LRRC37A2: variants seen among roughly 807,000 people sequenced by gnomAD.
LRRC37A2 encodes the protein leucine-rich repeat-containing protein 37A2.
LRRC37A2 carries 9 observed loss-of-function variants against 68.8 expected under a neutral mutation model. That is an observed-to-expected ratio of 0.13 (90% CI 0.08 to 0.23). LRRC37A2 has a LOEUF of 0.23. Ranked by LOEUF, LRRC37A2 falls within the 10% of genes least tolerant of loss-of-function variation. The pLI, the probability that LRRC37A2 is intolerant of heterozygous loss-of-function variation, is 1.00. For missense variants in LRRC37A2, 168 were observed against 950.4 expected (o/e 0.18, Z 10.82); for synonymous variants, 63 against 367.6 (o/e 0.17, Z 9.48).
chr17:46,824,052 G>A, the LRRC37A2 span, among the ~76,000 whole-genome samples: 27 of 152,136 alleles, frequency 1.8e-4, 1 homozygote, highest in East Asian at 9.7e-4. Flanking sequence ...CCCTTCAGGC[G>A]CCCAGGAGCC....
chr17:46,863,096 A>C, the LRRC37A2 span, among the ~76,000 whole-genome samples: 1 of 131,136 alleles, frequency 7.6e-6, no homozygotes, highest in Non-Finnish European at 1.6e-5. Flanking sequence ...ATACGCCAGC[A>C]ATCAGTCGTG....
At chr17:46,745,089 A>G in the LRRC37A2 span, among the ~76,000 whole-genome samples, 2 of 151,966 alleles carry the variant, frequency 1.3e-5, no homozygotes, top group Admixed American at 6.6e-5. Context: ...CACTGTGGAC[A>G]TTAAGACTGG....
the LRRC37A2 span, among the ~76,000 whole-genome samples, chr17:46,828,835 G>A: frequency 6.6e-6 from 1 of 151,800 alleles, no homozygotes; most frequent in Non-Finnish European, 1.5e-5. Flanking sequence ...GGTGGCTCGT[G>A]CCTGTAGTCC....
At chr17:46,902,798 A>G in the LRRC37A2 span, among the ~76,000 whole-genome samples, 2 of 152,150 alleles carry the variant, frequency 1.3e-5, no homozygotes, top group Non-Finnish European at 2.9e-5. Context: ...TTTTGATCAG[A>G]TACCCGTTCT....
chr17:46,462,165 C>G, the LRRC37A2 span, among the ~76,000 whole-genome samples: 3 of 78,684 alleles, frequency 3.8e-5, 1 homozygote, highest in Non-Finnish European at 1.0e-4. Context: ...GACTCAAAGA[C>G]AATGTGATGA....
chr17:46,885,349 C>T, the LRRC37A2 span: 1 of 225,226 alleles, frequency 4.4e-6, no homozygotes, highest in South Asian at 5.0e-5. Flanking sequence ...GTCACCCAGG[C>T]TGGAGTGCAC....
At chr17:46,732,449 A>G in the LRRC37A2 span, among the ~76,000 whole-genome samples, 2 of 140,162 alleles carry the variant, frequency 1.4e-5, no homozygotes, top group African/African-American at 5.4e-5. Context: ...TTGGATTTTC[A>G]GTGTAGAACT....
the LRRC37A2 span, among the ~76,000 whole-genome samples, chr17:46,830,290 C>T: frequency 2.0e-5 from 3 of 152,124 alleles, no homozygotes; most frequent in South Asian, 2.1e-4. Context: ...CTCGCTCTGT[C>T]GCCTGGGCTA....
the LRRC37A2 span, among the ~76,000 whole-genome samples, chr17:46,766,692 A>G: frequency 6.6e-6 from 1 of 152,150 alleles, no homozygotes; most frequent in South Asian, 2.1e-4. Context: ...CCATGACGTC[A>G]AGTACCTCCC....
At chr17:46,516,133 T>C (rs1293140710) in intron 2 of LRRC37A2, among the ~76,000 whole-genome samples, 1 of 148,162 alleles carries the variant, frequency 6.7e-6, no homozygotes, top group African/African-American at 2.6e-5. Flanking sequence ...ACCCCATCTC[T>C]ACTAAAAATA....
At chr17:46,802,801 C>T in the LRRC37A2 span, among the ~76,000 whole-genome samples, 1 of 152,352 alleles carries the variant, frequency 6.6e-6, no homozygotes, top group East Asian at 1.9e-4. Flanking sequence ...CTCAGTGCAG[C>T]TTCTCCCATA....
the LRRC37A2 span, among the ~76,000 whole-genome samples, chr17:47,028,706 A>C: frequency 6.6e-6 from 1 of 151,846 alleles, no homozygotes; most frequent in Non-Finnish European, 1.5e-5. Flanking sequence ...TCAGGAATTC[A>C]ACACCAGCCT....
chr17:47,005,542 C>A, the LRRC37A2 span: 1 of 152,150 alleles, frequency 6.6e-6, no homozygotes, highest in Admixed American at 6.5e-5. Context: ...ATTCCTGTCT[C>A]CTGATTGTTT....
chr17:46,805,934 A>C, the LRRC37A2 span, among the ~76,000 whole-genome samples: 1 of 152,226 alleles, frequency 6.6e-6, no homozygotes, highest in Non-Finnish European at 1.5e-5. Context: ...GGGGTTTACC[A>C]ACCATGGAGC....
the LRRC37A2 span, among the ~76,000 whole-genome samples, chr17:46,791,939 C>CGCTTGAGCCCAGGAGTT: frequency 6.6e-6 from 1 of 152,162 alleles, no homozygotes; most frequent in Admixed American, 6.5e-5. Flanking sequence ...ACTGGGGAGA[C>CGCTTGAGCCCAGGAGTT]TGAGGCGGGA....
the LRRC37A2 span, chr17:46,936,399 A>T: frequency 1.0e-6 from 1 of 985,336 alleles, no homozygotes; most frequent in Non-Finnish European, 1.2e-6. Context: ...ACCTCTTGCC[A>T]CCCACACTGA....
chr17:46,946,620 T>C, the LRRC37A2 span, among the ~76,000 whole-genome samples: 2 of 152,064 alleles, frequency 1.3e-5, no homozygotes, highest in Admixed American at 1.3e-4. Context: ...CCCAGCACTT[T>C]GGGAGGCCAA....
At chr17:46,878,527 T>G in the LRRC37A2 span, among the ~76,000 whole-genome samples, 3 of 152,184 alleles carry the variant, frequency 2.0e-5, no homozygotes, top group African/African-American at 7.2e-5. Context: ...CCCAAGCACC[T>G]GGCCCACACC....
At chr17:46,857,289 T>C in the LRRC37A2 span, among the ~76,000 whole-genome samples, 4 of 151,820 alleles carry the variant, frequency 2.6e-5, no homozygotes, top group East Asian at 5.8e-4. Context: ...GCCAACATGG[T>C]GAAAACCCAT....
Sources: gnomAD v4.1 joint callset for allele counts (sites outside exome capture counted in the v4.1 genomes callset) on GRCh38, gnomAD v4.1.1 for gene constraint, MANE v1.5 for transcripts, NCBI Gene and HGNC (gene_info 2026-07-23, HGNC 2026-07-21) for gene names.